The following ADARB2 variants were observed in gnomAD, a reference collection of about 807,000 sequenced individuals.
ADARB2 encodes adenosine deaminase RNA specific B2 (inactive), also known as inactive double-stranded RNA-specific editase B2.
A neutral mutation model predicts 62.2 loss-of-function variants in ADARB2; 25 were observed. The ratio of observed to expected loss-of-function variants is 0.40; its 90% CI spans 0.29 to 0.56. ADARB2 has a LOEUF of 0.56. ADARB2 is among the 20% of genes least tolerant of loss of function. The probability of loss-of-function intolerance (pLI) is 0.43; values close to 1 mark genes in which losing one functional copy is unlikely to be tolerated. For missense variants in ADARB2, 1,071 were observed against 1,077.4 expected, an observed-to-expected ratio of 0.99 and a Z score of 0.08; for synonymous variants, 572 against 500.8, an observed-to-expected ratio of 1.14 and a Z score of -1.90.
intron 3 of ADARB2, among the ~76,000 whole-genome samples, chr10:1,360,121 G>A (rs1282270950): frequency 6.6e-6 from 1 of 152,220 alleles, no homozygotes; most frequent in East Asian, 1.9e-4. Flanking sequence ...CCTGCGTGGG[G>A]TGAGCCTGGG....
At chr10:1,647,769 G>C (rs1257338179) in intron 1 of ADARB2, among the ~76,000 whole-genome samples, 3 of 151,382 alleles carry the variant, frequency 2.0e-5, no homozygotes. Flanking sequence ...TTGTGTATGT[G>C]TGGTGTGTGT....
At chr10:1,631,712 T>C (rs1365598681) in intron 1 of ADARB2, among the ~76,000 whole-genome samples, 2 of 152,158 alleles carry the variant, frequency 1.3e-5, no homozygotes, top group African/African-American at 2.4e-5. Flanking sequence ...AGGACCAAGC[T>C]TCCATTCTCC....
intron 6 of ADARB2, among the ~76,000 whole-genome samples, chr10:1,218,045 G>A (rs1307722934): frequency 6.6e-6 from 1 of 151,008 alleles, no homozygotes; most frequent in Non-Finnish European, 1.5e-5. Context: ...AAAAAATTTT[G>A]TATGTTTTTG....
intron 1 of ADARB2, among the ~76,000 whole-genome samples, chr10:1,702,124 A>C (rs1217887062): frequency 6.6e-6 from 1 of 152,262 alleles, no homozygotes; most frequent in African/African-American, 2.4e-5. Flanking sequence ...GTATGTGACC[A>C]GGACAGAGAA....
intron 4 of ADARB2, among the ~76,000 whole-genome samples, chr10:1,261,761 A>G (rs1831139378): frequency 2.0e-5 from 3 of 150,392 alleles, no homozygotes; most frequent in East Asian, 3.9e-4. Flanking sequence ...AGAACTAGAA[A>G]TACCATTTGA....
intron 1 of ADARB2, among the ~76,000 whole-genome samples, chr10:1,502,961 G>A (rs1403095495): frequency 6.6e-6 from 1 of 151,834 alleles, no homozygotes; most frequent in South Asian, 2.1e-4. Flanking sequence ...CTTATTTTTT[G>A]CGGCAATCTA....
chr10:1,560,222 A>C (rs1832768315), intron 1 of ADARB2, among the ~76,000 whole-genome samples: 1 of 152,230 alleles, frequency 6.6e-6, no homozygotes, highest in African/African-American at 2.4e-5. Context: ...CCTGAAATGC[A>C]GCCTTGAAAA....
At chr10:1,538,238 G>A (rs776356462) in intron 1 of ADARB2, among the ~76,000 whole-genome samples, 1 of 152,202 alleles carries the variant, frequency 6.6e-6, no homozygotes, top group Non-Finnish European at 1.5e-5. Context: ...TGCGTTTGTG[G>A]CTGTGGCTGC....
intron 1 of ADARB2, among the ~76,000 whole-genome samples, chr10:1,570,431 G>A (rs1832919293): frequency 1.0e-5 from 1 of 98,142 alleles, no homozygotes; most frequent in South Asian, 3.3e-4. Flanking sequence ...AGTGACAGTG[G>A]AGGGGAAGCA....
intron 1 of ADARB2, among the ~76,000 whole-genome samples, chr10:1,682,952 A>G (rs1834556636): frequency 6.6e-6 from 1 of 152,198 alleles, no homozygotes; most frequent in African/African-American, 2.4e-5. Flanking sequence ...ACACAGCCCG[A>G]ATGCCGGCGG....
At chr10:1,301,582 A>G (rs954295968) in intron 3 of ADARB2, among the ~76,000 whole-genome samples, 1 of 151,466 alleles carries the variant, frequency 6.6e-6, no homozygotes, top group Non-Finnish European at 1.5e-5. Flanking sequence ...CTGTCCCTCC[A>G]TTCCTCCCTC....
rs570326276 is a variant in ADARB2 at position 1,276,333 on chromosome 10, C to T, written c.1078-5264G>A. Reference sequence around the variant, plus strand: ...TTGAGAAGTGTCTGTTCATATCCTTCGCCCACTTTTTGATGGGGCTGTTTG... The same window carrying T: ...TTGAGAAGTGTCTGTTCATATCCTTTGCCCACTTTTTGATGGGGCTGTTTG... On this transcript the variant is annotated intron_variant, in intron 3 of 9. Coordinates refer to ENST00000381312, the MANE Select transcript of ADARB2 (RefSeq NM_018702.4). Among the ~76,000 whole-genome samples, 480 of 152,208 alleles carry T rather than the reference C, an allele frequency of 3.2e-3. 2 individuals carry two copies. Among genetic ancestry groups the T allele is most frequent in the African/African-American group, 0.011 (453 of 41,530 alleles).
At chr10:1,540,471 A>G in intron 1 of ADARB2, among the ~76,000 whole-genome samples, 2 of 146,606 alleles carry the variant, frequency 1.4e-5, no homozygotes, top group Admixed American at 6.8e-5. Context: ...AGCCGCCCAG[A>G]CCCCACTCAG....
chr10:1,658,259 A>G (rs1381991513), intron 1 of ADARB2, among the ~76,000 whole-genome samples: 1 of 130,246 alleles, frequency 7.7e-6, no homozygotes, highest in Non-Finnish European at 1.6e-5. Flanking sequence ...TCTCTGTCTG[A>G]TTCTCTCTGT....
chr10:1,723,728 C>CA (rs1835127375), intron 1 of ADARB2, among the ~76,000 whole-genome samples: 1 of 152,114 alleles, frequency 6.6e-6, no homozygotes. Flanking sequence ...AGGGAGAAAT[C>CA]AAAAGGTGGA....
intron 1 of ADARB2, among the ~76,000 whole-genome samples, chr10:1,642,086 CTTT>C (rs1192682969): frequency 6.6e-6 from 1 of 152,100 alleles, no homozygotes; most frequent in Non-Finnish European, 1.5e-5. Context: ...ATTATGATTT[CTTT>C]TTATTTTTTA....
intron 1 of ADARB2, among the ~76,000 whole-genome samples, chr10:1,520,959 C>T (rs1832066700): frequency 1.3e-5 from 2 of 152,152 alleles, no homozygotes. Context: ...TTTAATTTGA[C>T]AGAATACATT....
At position 1,185,021 on chromosome 10, in the gene ADARB2, G is replaced by A. The variant is rs762464849; in HGVS notation, c.1883C>T (p.Ala628Val). 9.3e-6 allele frequency: 15 copies of A among 1,612,572 alleles called. No individual in the cohort carries two copies. The highest frequency in any genetic ancestry group is 3.5e-4 in the Middle Eastern group (2 of 5,766). The change falls in exon 9 of 10, where the codon GCG becomes GTG. Residue 628 changes from alanine (A) to valine (V), a missense_variant. Transcript: ENST00000381312. ...GGGGGGCGACTTCCCCGGCTGGCGC[G>A]CCTCGGCGTCACTCACGCCTGTCGG... ...PLLSGVSDAE[A>V]RQPGKSPPFS...
At chr10:1,201,540 G>T (rs1836984611) in intron 7 of ADARB2, among the ~76,000 whole-genome samples, 1 of 151,954 alleles carries the variant, frequency 6.6e-6, no homozygotes, top group Non-Finnish European at 1.5e-5. Context: ...GCTCTGAAGG[G>T]TAGGATGAGA....
Sources: allele counts gnomAD v4.1 joint callset (sites outside exome capture counted in the v4.1 genomes callset), GRCh38; gene constraint gnomAD v4.1.1; transcripts MANE v1.5; gene names NCBI Gene and HGNC (gene_info 2026-07-23, HGNC 2026-07-21).